MIPEP: variants seen among roughly 807,000 people sequenced by gnomAD.
The protein encoded by MIPEP is mitochondrial intermediate peptidase.
A neutral mutation model predicts 90.3 loss-of-function variants in MIPEP; 79 were observed. The observed-to-expected ratio is 0.87, with a 90% CI of 0.73 to 1.05. The LOEUF is 1.05. Among genes scored for constraint, MIPEP ranks in the 50% least tolerant of loss-of-function variants. The pLI, the probability that MIPEP is intolerant of heterozygous loss-of-function variation, is 0.00. For missense variants in MIPEP, 940 were observed against 905.6 expected, an observed-to-expected ratio of 1.04 and a Z score of -0.49; for synonymous variants, 334 against 315.8, an observed-to-expected ratio of 1.06 and a Z score of -0.61.
At chr13:23,816,483 T>C (rs1474361327) in intron 14 of MIPEP, among the ~76,000 whole-genome samples, 1 of 152,148 alleles carries the variant, frequency 6.6e-6, no homozygotes. Flanking sequence ...ATTCTTCATA[T>C]GTGATATCGT....
intron 16 of MIPEP, among the ~76,000 whole-genome samples, chr13:23,784,967 ATCATTAAAAAG>A (rs1952822130): frequency 1.3e-5 from 2 of 152,238 alleles, no homozygotes; most frequent in South Asian, 4.1e-4. Context: ...TAGAACGGCG[ATCATTAAAAAG>A]TCAGGAAACA....
Position 23,756,612 on chromosome 13 carries a change from G to A in MIPEP, c.1977C>T (p.Ala659=), listed in dbSNP as rs73158528. ...GCATCTCCCTGCGATAGCGCTCCCC[G>A]GCAGCCCTGGGGAAGAGAGGTTCTG... The part of the protein sequence containing the change: ...CFLQDPFNRA[A]GERYRREMLA... The change falls in exon 18 of 19, where the codon GCC becomes GCT. Residue 659 remains alanine (A), a synonymous_variant. Transcript: ENST00000382172. The A allele has an allele frequency of 7.4e-3, 11,945 of 1,612,656 alleles. 70 individuals carry two copies. The highest frequency in any genetic ancestry group is 8.6e-3 in the Admixed American group (517 of 60,014).
intron 14 of MIPEP, among the ~76,000 whole-genome samples, chr13:23,823,949 T>C (rs1033439508): frequency 1.3e-5 from 2 of 152,174 alleles, no homozygotes; most frequent in Non-Finnish European, 2.9e-5. Context: ...GCCTATGCTA[T>C]ACTGCCTTAC....
chr13:23,770,686 C>A (rs955807654), intron 16 of MIPEP, among the ~76,000 whole-genome samples: 1 of 152,166 alleles, frequency 6.6e-6, no homozygotes, highest in Non-Finnish European at 1.5e-5. Context: ...TCACCCACCA[C>A]CAGAGACCGC....
At chr13:23,884,224 G>A (rs186520293) in intron 2 of MIPEP, among the ~76,000 whole-genome samples, 8 of 150,718 alleles carry the variant, frequency 5.3e-5, no homozygotes, top group South Asian at 2.1e-4. Context: ...GTGGGGAGGG[G>A]GGGGTGTGAC....
At chr13:23,860,647 G>A (rs560795020) in intron 9 of MIPEP, among the ~76,000 whole-genome samples, 1 of 140,432 alleles carries the variant, frequency 7.1e-6, no homozygotes, top group East Asian at 2.2e-4. Flanking sequence ...CTGCTTTTTA[G>A]ACAAATCCCT....
chr13:23,770,933 C>T (rs1048842471), intron 16 of MIPEP, among the ~76,000 whole-genome samples: 1 of 152,196 alleles, frequency 6.6e-6, no homozygotes, highest in African/African-American at 2.4e-5. Flanking sequence ...TCCTCTGTAC[C>T]TCTGCATGGC....
chr13:23,807,163 AG>A (rs1953120580), intron 15 of MIPEP, among the ~76,000 whole-genome samples: 1 of 152,230 alleles, frequency 6.6e-6, no homozygotes, highest in Non-Finnish European at 1.5e-5. Context: ...AAAGCATTAA[AG>A]AAAGTTTGGA....
intron 14 of MIPEP, among the ~76,000 whole-genome samples, chr13:23,812,985 T>G (rs536144019): frequency 6.6e-6 from 1 of 152,272 alleles, no homozygotes; most frequent in African/African-American, 2.4e-5. Flanking sequence ...GTGCTATACA[T>G]AGAAAAGTAA....
At position 23,805,949 on chromosome 13, in the gene MIPEP, C is replaced by T; in HGVS notation, c.1848+1G>A. On this transcript the variant is annotated splice_donor_variant, in intron 16 of 18. Transcript: ENST00000382172. LOFTEE classifies it high-confidence loss of function. ...AAACAGAAGCCAAATGCTGGACTCA[C>T]AGTATTTGGAACATATGGTAGGCCA... 7 of 1,613,560 alleles carry T rather than the reference C, an allele frequency of 4.3e-6. No homozygotes were observed. Among genetic ancestry groups the T allele is most frequent in the Non-Finnish European group, 5.9e-6 (7 of 1,179,708 alleles).
At chr13:23,793,380 A>G (rs1236823560) in intron 16 of MIPEP, among the ~76,000 whole-genome samples, 1 of 152,206 alleles carries the variant, frequency 6.6e-6, no homozygotes, top group African/African-American at 2.4e-5. Context: ...AGGCAAAACT[A>G]GTGGTTAACT....
chr13:23,782,752 A>T (rs1449724450), intron 16 of MIPEP, among the ~76,000 whole-genome samples: 1 of 152,240 alleles, frequency 6.6e-6, no homozygotes, highest in East Asian at 1.9e-4. Context: ...AAATAGACGC[A>T]ATAAAAAATG....
Position 23,884,029 on chromosome 13 carries a change from T to C in MIPEP, c.364-2242A>G, listed in dbSNP as rs1871367975. Among the ~76,000 whole-genome samples, 7 of 152,200 alleles carry C rather than the reference T, an allele frequency of 4.6e-5. No homozygotes were observed. In the South Asian group the frequency reaches 1.5e-3, roughly 32 times the overall value. ...TGAACATATAATCATCTGAAAGGTG[T>C]TAATGCTCAAATCAGTTGTATGGGT... On this transcript the variant is annotated intron_variant, in intron 2 of 18. Coordinates refer to ENST00000382172, the MANE Select transcript of MIPEP (RefSeq NM_005932.4).
At chr13:23,883,015 G>T (rs565077873) in intron 2 of MIPEP, among the ~76,000 whole-genome samples, 1 of 152,148 alleles carries the variant, frequency 6.6e-6, no homozygotes, top group East Asian at 1.9e-4. Context: ...AAAATAAAAT[G>T]ACTATTTGGT....
chr13:23,758,911 T>C (rs1029902847), intron 17 of MIPEP, among the ~76,000 whole-genome samples: 1 of 152,176 alleles, frequency 6.6e-6, no homozygotes, highest in South Asian at 2.1e-4. Flanking sequence ...CAAACTGTTT[T>C]CTCTGAGCCT....
chr13:23,781,496 A>C (rs1271317055), intron 16 of MIPEP, among the ~76,000 whole-genome samples: 2 of 152,224 alleles, frequency 1.3e-5, no homozygotes, highest in African/African-American at 4.8e-5. Flanking sequence ...GCCACTGCAA[A>C]AACATGCCAA....
In MIPEP at chr13:23,837,605, A is replaced by G. The variant is rs766409325; in HGVS notation, c.1490T>C (p.Met497Thr). Residue 497 changes from methionine (M) to threonine (T), a missense_variant, in exon 13 of 19, where the codon ATG (methionine) becomes ACG (threonine). Transcript: ENST00000382172. ...PSMMENLFHE[M>T]GHAMHSMLGR... is the part of the protein sequence containing the mutation. ...TAGCATTGAATGCATGGCATGTCCC[A>G]TTTCATGGAAAAGATTTTCCATCAT... 11 of 1,614,126 alleles carry G rather than the reference A, an allele frequency of 6.8e-6. 1 individual carries two copies. In the South Asian group the frequency reaches 1.2e-4, roughly 18 times the overall value.
At chr13:23,885,458 T>G (rs924239059) in intron 2 of MIPEP, among the ~76,000 whole-genome samples, 2 of 152,186 alleles carry the variant, frequency 1.3e-5, no homozygotes, top group Non-Finnish European at 2.9e-5. Flanking sequence ...ATTGGATTGT[T>G]TGTAACAGAA....
At chr13:23,848,247 T>C (rs1266475782) in intron 10 of MIPEP, among the ~76,000 whole-genome samples, 2 of 152,202 alleles carry the variant, frequency 1.3e-5, no homozygotes, top group African/African-American at 2.4e-5. Context: ...GCCACTATTA[T>C]TGCTGTTAGA....
Sources: allele counts gnomAD v4.1 joint callset (sites outside exome capture counted in the v4.1 genomes callset), GRCh38; gene constraint gnomAD v4.1.1; transcripts MANE v1.5; gene names NCBI Gene and HGNC (gene_info 2026-07-23, HGNC 2026-07-21).